Variants in F11R observed in about 807,000 individuals in gnomAD.
The protein encoded by F11R is junctional adhesion molecule A.
Under a neutral mutation model 39.3 loss-of-function variants are expected in F11R, and 27 were observed. That is an observed-to-expected ratio of 0.69 (90% confidence interval 0.51 to 0.95). The LOEUF is 0.95. F11R is among the 40% of genes least tolerant of loss of function. The pLI, the probability that F11R is intolerant of heterozygous loss-of-function variation, is 0.00. For missense variants in F11R, 335 were observed against 372.7 expected, an observed-to-expected ratio of 0.90 and a Z score of 0.83; for synonymous variants, 131 against 144.9, an observed-to-expected ratio of 0.90 and a Z score of 0.69.
intron 1 of F11R, among the ~76,000 whole-genome samples, chr1:161,003,154 G>C (rs1383950700): frequency 1.6e-5 from 2 of 122,544 alleles, no homozygotes; most frequent in Non-Finnish European, 3.3e-5. Context: ...ACAGAGTTTC[G>C]CTCTTGTTGC....
In F11R at chr1:161,021,100, C is replaced by A; in HGVS notation, c.-27G>T. The A allele has an allele frequency of 1.2e-5, 19 of 1,600,774 alleles. No individual in the cohort carries two copies. The highest frequency in any genetic ancestry group is 1.6e-5 in the Non-Finnish European group (19 of 1,168,838). On this transcript the variant is annotated 5_prime_UTR_variant, in exon 1 of 10. Coordinates refer to ENST00000368026, the MANE Select transcript of F11R (RefSeq NM_016946.6). ...GCGATCAGGCTCCCGACACAACAGC[C>A]GCCGAAGGACTCCTGGGAACAGACA...
Position 160,997,932 on chromosome 1 carries a change from G to C in F11R, c.*939C>G, listed in dbSNP as rs961155316. 3.9e-5 allele frequency: 6 copies of C among 152,356 alleles called. No homozygotes were observed. Among genetic ancestry groups the C allele is most frequent in the African/African-American group, 1.5e-4 (6 of 41,278 alleles). 9.4% of individuals were successfully genotyped at this position (152,356 alleles called of 1,614,324 possible). On this transcript the variant is annotated 3_prime_UTR_variant, in exon 10 of 10. Transcript: ENST00000368026. ...CAGTAGTTCCAGCCAAGGGAAGGGT[G>C]ATGGCCTAAGCCACCAGCTCCAGCT...
At chr1:161,018,105 C>T (rs1270346333) in intron 1 of F11R, among the ~76,000 whole-genome samples, 1 of 152,180 alleles carries the variant, frequency 6.6e-6, no homozygotes, top group African/African-American at 2.4e-5. Flanking sequence ...TGAACCTTTT[C>T]TAAGGGACAG....
chr1:160,996,995 GCACTTAGTATATCCTC>G lies in F11R; in HGVS notation c.*1860_*1875del, dbSNP rs1648166151. 1.3e-5 allele frequency: 2 copies of G among 152,278 alleles called. No individual in the cohort carries two copies. Among genetic ancestry groups the G allele is most frequent in the Non-Finnish European group, 2.9e-5 (2 of 68,032 alleles). 9.4% of individuals were successfully genotyped at this position (152,278 alleles called of 1,614,324 possible). A position where few individuals can be genotyped will look rare whatever the true frequency, so the allele number is the denominator to read the frequency against. On this transcript the variant is annotated 3_prime_UTR_variant, in exon 10 of 10. Transcript: ENST00000368026. ...TTTCCAAATAGGATAGGGCAAAGTC[GCACTTAGTATATCCTC>G]CACAGAAAGAAAGAAGCAAAATCAA...
At chr1:161,000,863 TG>T in intron 3 of F11R, 86 bp from the exon 4 acceptor site, 1 of 1,550,378 alleles carries the variant, frequency 6.5e-7, no homozygotes. Context: ...GGTACGCAAG[TG>T]CTCTCCTCTT....
At chr1:161,016,199 G>A (rs559551094) in intron 1 of F11R, among the ~76,000 whole-genome samples, 6 of 151,988 alleles carry the variant, frequency 3.9e-5, no homozygotes, top group East Asian at 1.9e-4. Context: ...ATTAGGGGCC[G>A]GGCGCGGTGG....
intron 1 of F11R, among the ~76,000 whole-genome samples, chr1:161,001,595 G>T (rs1012984513): frequency 6.6e-6 from 1 of 152,102 alleles, no homozygotes; most frequent in African/African-American, 2.4e-5. Context: ...AGTTTCTTTT[G>T]CTTCTAATTT....
In F11R at chr1:161,021,033, A is replaced by C. The variant is rs1229732039; in HGVS notation, c.41T>G (p.Leu14Arg). The C allele has an allele frequency of 1.2e-6, 2 of 1,614,112 alleles. No individual in the cohort carries two copies. Among genetic ancestry groups the C allele is most frequent in the Non-Finnish European group, 1.7e-6 (2 of 1,180,014 alleles). Residue 14 changes from leucine (L) to arginine (R), a missense_variant, in exon 1 of 10, where the codon CTC becomes CGC. Coordinates refer to ENST00000368026, the MANE Select transcript of F11R (RefSeq NM_016946.6). ...KAQVERKLLC[L>R]FILAILLCSL... ...ACACAACAGGATCGCCAATATGAAG[A>C]GGCACAACAGTTTCCTCTCGACTTG...
chr1:161,015,033 A>G (rs1255983731), intron 1 of F11R, among the ~76,000 whole-genome samples: 14 of 139,212 alleles, frequency 1.0e-4, no homozygotes, highest in South Asian at 6.9e-4. Flanking sequence ...AGCCGAGATC[A>G]CGCCACTGCA....
intron 1 of F11R, among the ~76,000 whole-genome samples, chr1:161,016,484 T>C (rs1649472210): frequency 1.4e-5 from 2 of 144,020 alleles, no homozygotes; most frequent in African/African-American, 2.6e-5. Flanking sequence ...CAAAAACAAA[T>C]AAATAAATAA....
chr1:161,012,599 A>AG (rs1649226116), intron 1 of F11R, among the ~76,000 whole-genome samples: 1 of 90,830 alleles, frequency 1.1e-5, no homozygotes, highest in South Asian at 3.8e-4. Context: ...GAATTAATTA[A>AG]TTTTATTTAT....
chr1:161,013,939 C>G (rs537629587), intron 1 of F11R, among the ~76,000 whole-genome samples: 1 of 152,226 alleles, frequency 6.6e-6, no homozygotes, highest in African/African-American at 2.4e-5. Context: ...GCTGCTTCCT[C>G]CTGTTCCGCC....
Position 161,000,135 on chromosome 1 carries a change from C to T in F11R, c.591+11G>A. 1 of 1,614,022 alleles carries T rather than the reference C, an allele frequency of 6.2e-7. No individual in the cohort carries two copies. Among genetic ancestry groups the T allele is most frequent in the Non-Finnish European group, 8.5e-7 (1 of 1,179,924 alleles). On this transcript the variant is annotated intron_variant, in intron 5 of 9. Transcript: ENST00000368026. Reference sequence around the variant, plus strand: ...TCCCCCACACATCTTTCACCACCACCCCATACATACCAGCTCTCCTGTTGT... The same window carrying T: ...TCCCCCACACATCTTTCACCACCACTCCATACATACCAGCTCTCCTGTTGT...
intron 1 of F11R, among the ~76,000 whole-genome samples, chr1:161,004,763 T>C (rs545172592): frequency 5.9e-5 from 9 of 151,852 alleles, no homozygotes; most frequent in African/African-American, 2.2e-4. Context: ...AGAAAAACCA[T>C]AGGTTTAATG....
Position 160,999,019 on chromosome 1 carries a change from C to G in F11R, c.864+24G>C, listed in dbSNP as rs1172345371. 4 of 1,614,110 alleles carry G rather than the reference C, an allele frequency of 2.5e-6. No individual in the cohort carries two copies. In the South Asian group the frequency reaches 4.4e-5, roughly 18 times the overall value. Reference sequence around the variant, plus strand: ...TCACTCCAGCCCCAGGTGGCCCACCCCTGCCCAGGGGAGGCATACTCACTT... The same window carrying G: ...TCACTCCAGCCCCAGGTGGCCCACCGCTGCCCAGGGGAGGCATACTCACTT... On this transcript the variant is annotated intron_variant, in intron 9 of 9. Transcript: ENST00000368026.
chr1:161,000,627 G>A lies in F11R; in HGVS notation c.388+4C>T, dbSNP rs757520584. ...GGCCCACCCAGAAGACATGGGGCAC[G>A]TACCAAGCACGATGAGCTTGACCTT... On this transcript the variant is annotated splice_donor_region_variant and intron_variant, in intron 4 of 9. Transcript: ENST00000368026. The A allele has an allele frequency of 8.7e-6, 14 of 1,614,042 alleles. No individual in the cohort carries two copies. Among genetic ancestry groups the A allele is most frequent in the African/African-American group, 6.7e-5 (5 of 74,916 alleles).
At chr1:161,007,167 C>CAAA (rs558492593) in intron 1 of F11R, among the ~76,000 whole-genome samples, 64 of 94,250 alleles carry the variant, frequency 6.8e-4, no homozygotes, top group Middle Eastern at 7.8e-3. Context: ...AACTCCGTCT[C>CAAA]AAAAAAAAAA....
rs1648098878 is a variant in F11R at position 160,996,007 on chromosome 1, T to C, written c.*2864A>G. 1 of 152,304 alleles carries C rather than the reference T, an allele frequency of 6.6e-6. No individual in the cohort carries two copies. Among genetic ancestry groups the C allele is most frequent in the Admixed American group, 6.5e-5 (1 of 15,274 alleles). The allele number at this position is 152,304 out of a possible 1,614,324, so 9.4% of individuals were successfully genotyped here. ...AAATGTCACTTTAACATAGGAAATG[T>C]CCATTGTGGGGTTATTTGCATTTAA... On this transcript the variant is annotated 3_prime_UTR_variant, in exon 10 of 10. Transcript: ENST00000368026.
At chr1:161,005,418 C>CACTT (rs1553210388) in intron 1 of F11R, among the ~76,000 whole-genome samples, 1 of 150,884 alleles carries the variant, frequency 6.6e-6, no homozygotes, top group Non-Finnish European at 1.5e-5. Context: ...GCTCAAGTGA[C>CACTT]CCACCTCAGC....
Sources: gnomAD v4.1 joint callset for allele counts (sites outside exome capture counted in the v4.1 genomes callset) on GRCh38, gnomAD v4.1.1 for gene constraint, MANE v1.5 for transcripts, NCBI Gene and HGNC (gene_info 2026-07-23, HGNC 2026-07-21) for gene names.